The following AUTS2 variants were observed in gnomAD, a reference collection of about 807,000 sequenced individuals.
AUTS2 encodes the protein autism susceptibility gene 2 protein.
Under a neutral mutation model 112.4 loss-of-function variants are expected in AUTS2, and 17 were observed. That is an observed-to-expected ratio of 0.15 (90% CI 0.10 to 0.23). The LOEUF is 0.23. Ranked by LOEUF, AUTS2 falls within the 10% of genes least tolerant of loss-of-function variation. The pLI, the probability that AUTS2 is intolerant of heterozygous loss-of-function variation, is 1.00. For missense variants in AUTS2, 1,510 were observed against 1,701.6 expected (o/e 0.89, Z 1.98); for synonymous variants, 751 against 702.7 (o/e 1.07, Z -1.09).
At chr7:70,005,234 T>G (rs550839683) in intron 2 of AUTS2, among the ~76,000 whole-genome samples, 2 of 152,110 alleles carry the variant, frequency 1.3e-5, no homozygotes, top group South Asian at 4.1e-4. Context: ...ATTGAACAGC[T>G]TCCATGGGTG....
chr7:69,745,176 G>A (rs962306230), intron 1 of AUTS2, among the ~76,000 whole-genome samples: 3 of 152,092 alleles, frequency 2.0e-5, no homozygotes, highest in African/African-American at 7.2e-5. Context: ...CTCTCCCTAC[G>A]CCTCGTGTAT....
chr7:70,485,841 C>T (rs3113256), intron 5 of AUTS2, among the ~76,000 whole-genome samples: 2,228 of 152,060 alleles, frequency 0.015, 72 homozygotes, highest in African/African-American at 0.051. Context: ...CCTGGATCGC[C>T]ATGCAGGGTG....
At chr7:70,348,104 T>C (rs933899133) in intron 4 of AUTS2, among the ~76,000 whole-genome samples, 2 of 152,186 alleles carry the variant, frequency 1.3e-5, no homozygotes, top group Non-Finnish European at 2.9e-5. Context: ...ATTCACTCAC[T>C]CTTCTTTACC....
rs1406710975 is a variant in AUTS2 at position 69,632,003 on chromosome 7, CT to C, written c.309+32042del. Among the ~76,000 whole-genome samples, 10 of 152,192 alleles carry C rather than the reference CT, an allele frequency of 6.6e-5. No homozygotes were observed. The East Asian group carries it at 1.9e-3, about 29-fold the overall frequency. ...CAAAAATTTTTCAAATATTGTTGTT[CT>C]GGTAATGCTGCATTTTAGGATCTGG... On this transcript the variant is annotated intron_variant, in intron 1 of 18. Coordinates refer to ENST00000342771, the MANE Select transcript of AUTS2 (RefSeq NM_015570.4).
chr7:69,810,281 T>C lies in AUTS2; in HGVS notation c.310-89005T>C, dbSNP rs149632828. Among the ~76,000 whole-genome samples, 325 of 152,316 alleles carry C rather than the reference T, an allele frequency of 2.1e-3. 1 individual carries two copies. Among genetic ancestry groups the C allele is most frequent in the African/African-American group, 7.4e-3 (307 of 41,578 alleles). ...AATAATTGTAGAGTCTTGGGTAAAT[T>C]ACTGGATGTTTCTGAGCCTCAGATT... On this transcript the variant is annotated intron_variant, in intron 1 of 18. Coordinates refer to ENST00000342771, the MANE Select transcript of AUTS2 (RefSeq NM_015570.4).
At position 70,786,025 on chromosome 7, in the gene AUTS2, A is replaced by T. The variant is rs754907631; in HGVS notation, c.2295A>T (p.Gly765=). 2 of 1,614,068 alleles carry T rather than the reference A, an allele frequency of 1.2e-6. 1 individual carries two copies. The highest frequency in any genetic ancestry group is 2.2e-5 in the South Asian group (2 of 91,080). ...GTGGCAATGCCTTCGGGGGACTTGG[A>T]AATCCTTCCGTTAGTGAGTACCTCT... ...AVGGNAFGGL[G]NPSVTPNSMF... is the part of the protein sequence containing the mutation. Residue 765 remains glycine (G), a synonymous_variant, in exon 17 of 19, where the codon GGA becomes GGT. Transcript: ENST00000342771.
At chr7:70,430,875 G>A (rs1355428745) in intron 4 of AUTS2, among the ~76,000 whole-genome samples, 4 of 122,428 alleles carry the variant, frequency 3.3e-5, no homozygotes, top group Non-Finnish European at 6.3e-5. Flanking sequence ...TCGCTCTGTC[G>A]CCCAGGCTGG....
At chr7:70,272,412 C>A (rs750793168) in intron 4 of AUTS2, among the ~76,000 whole-genome samples, 1 of 152,138 alleles carries the variant, frequency 6.6e-6, no homozygotes. Flanking sequence ...GTTCAATAAA[C>A]ATTTAGATGA....
chr7:70,399,851 G>T (rs1794250823), intron 4 of AUTS2, among the ~76,000 whole-genome samples: 1 of 152,214 alleles, frequency 6.6e-6, no homozygotes, highest in African/African-American at 2.4e-5. Flanking sequence ...GAGAGCAGAA[G>T]TGTGTAGACT....
chr7:70,688,364 G>C (rs1284851619), intron 5 of AUTS2, among the ~76,000 whole-genome samples: 1 of 152,174 alleles, frequency 6.6e-6, no homozygotes, highest in Non-Finnish European at 1.5e-5. Context: ...GGGGCATACA[G>C]GAGGATTTAT....
At chr7:69,893,926 G>C (rs1794629095) in intron 1 of AUTS2, among the ~76,000 whole-genome samples, 1 of 152,120 alleles carries the variant, frequency 6.6e-6, no homozygotes, top group Non-Finnish European at 1.5e-5. Flanking sequence ...TTGTAATTTG[G>C]GAGAAGGGAA....
At chr7:70,664,943 C>T (rs557643047) in intron 5 of AUTS2, among the ~76,000 whole-genome samples, 1 of 152,194 alleles carries the variant, frequency 6.6e-6, no homozygotes, top group African/African-American at 2.4e-5. Flanking sequence ...CGTAGTGATG[C>T]ACACCTGTAG....
chr7:69,680,174 A>T (rs1308161734), intron 1 of AUTS2, among the ~76,000 whole-genome samples: 2 of 152,228 alleles, frequency 1.3e-5, no homozygotes, highest in Non-Finnish European at 2.9e-5. Flanking sequence ...ATCCTATAGT[A>T]GTTGTTTTTC....
At chr7:70,621,834 T>TTC (rs1359542253) in intron 5 of AUTS2, among the ~76,000 whole-genome samples, 1 of 125,300 alleles carries the variant, frequency 8.0e-6, no homozygotes, top group Non-Finnish European at 1.6e-5. Context: ...TGCATAGTCA[T>TTC]TCTCTTTTTT....
In AUTS2 at chr7:69,614,329, T is replaced by TTTCTTTCC. The variant is rs944350724; in HGVS notation, c.309+14374_309+14375insCTTCTTTC. On this transcript the variant is annotated intron_variant, in intron 1 of 18. Coordinates refer to ENST00000342771, the MANE Select transcript of AUTS2 (RefSeq NM_015570.4). ...CACTCTCCGTCTCTTTCTTTCTTTCTTTCTTTCTTTCTTTCTTTCTTTCTT... is the reference window on the plus strand; with the variant it reads ...CACTCTCCGTCTCTTTCTTTCTTTCTTTCTTTCCTTCTTTCTTTCTTTCTTTCTTTCTT... Among the ~76,000 whole-genome samples, 6 of 61,554 alleles carry TTTCTTTCC rather than the reference T, an allele frequency of 9.7e-5. No individual in the cohort carries two copies. The East Asian group carries it at 4.0e-3, about 41-fold the overall frequency. The allele number at this position is 61,554 out of a possible 152,430, so 40.4% of individuals were successfully genotyped here.
chr7:70,419,472 C>T (rs1027199624), intron 4 of AUTS2, among the ~76,000 whole-genome samples: 2 of 152,088 alleles, frequency 1.3e-5, no homozygotes, highest in Non-Finnish European at 1.5e-5. Context: ...AGGTTAAAAA[C>T]GTGAATATAT....
At chr7:69,962,904 C>T (rs1797489002) in intron 2 of AUTS2, among the ~76,000 whole-genome samples, 1 of 152,110 alleles carries the variant, frequency 6.6e-6, no homozygotes, top group Non-Finnish European at 1.5e-5. Flanking sequence ...CTGTGACCAG[C>T]TCTGTTTGCT....
chr7:70,573,551 C>T (rs1181100825), intron 5 of AUTS2, among the ~76,000 whole-genome samples: 1 of 152,178 alleles, frequency 6.6e-6, no homozygotes, highest in Admixed American at 6.5e-5. Flanking sequence ...AAAGCAGACG[C>T]AACATTGTGT....
chr7:69,668,837 T>C (rs2129151990), intron 1 of AUTS2, among the ~76,000 whole-genome samples: 1 of 152,360 alleles, frequency 6.6e-6, no homozygotes, highest in South Asian at 2.1e-4. Flanking sequence ...TACTGTGTTT[T>C]TTTCCTTCAC....
Sources: gnomAD v4.1 joint callset for allele counts (sites outside exome capture counted in the v4.1 genomes callset) on GRCh38, gnomAD v4.1.1 for gene constraint, MANE v1.5 for transcripts, NCBI Gene and HGNC (gene_info 2026-07-23, HGNC 2026-07-21) for gene names.